The following ABI2 variants were observed in gnomAD, a reference collection of about 807,000 sequenced individuals.
ABI2 encodes abl interactor 2.
ABI2 carries 25 observed loss-of-function variants against 59.2 expected under a neutral mutation model. The ratio of observed to expected loss-of-function variants is 0.42; its 90% CI spans 0.31 to 0.59. The LOEUF (loss-of-function observed/expected upper bound fraction) is 0.59, where lower values mean the gene tolerates loss of function less well. Among genes scored for constraint, ABI2 ranks in the 20% least tolerant of loss-of-function variants. The pLI is 0.14. For missense variants in ABI2, 545 were observed against 681.8 expected (o/e 0.80, Z 2.23); for synonymous variants, 213 against 235.5 (o/e 0.90, Z 0.87).
At chr2:203,366,192 G>T (rs932428408) in intron 1 of ABI2, among the ~76,000 whole-genome samples, 1 of 152,094 alleles carries the variant, frequency 6.6e-6, no homozygotes, top group Non-Finnish European at 1.5e-5. Flanking sequence ...GGTGGCTCAT[G>T]CCTGTAATCC....
chr2:203,377,142 A>G (rs1559268523), intron 2 of ABI2, among the ~76,000 whole-genome samples: 1 of 152,152 alleles, frequency 6.6e-6, no homozygotes, highest in African/African-American at 2.4e-5. Flanking sequence ...ACACAGTGAC[A>G]TCCCATCTCT....
At chr2:203,403,742 G>GT (rs56123341) in intron 9 of ABI2, among the ~76,000 whole-genome samples, 2,974 of 95,282 alleles carry the variant, frequency 0.031, 85 homozygotes, top group East Asian at 0.055. Flanking sequence ...CTTTCTTTCT[G>GT]TTTTTTTTTT....
At chr2:203,368,984 A>ATTT (rs71007508) in intron 2 of ABI2, among the ~76,000 whole-genome samples, 3 of 91,118 alleles carry the variant, frequency 3.3e-5, no homozygotes, top group African/African-American at 1.3e-4. Flanking sequence ...TGCTTGGCTG[A>ATTT]TTTTTTTTTT....
At chr2:203,415,529 T>C (rs1434715529) in intron 10 of ABI2, among the ~76,000 whole-genome samples, 2 of 147,970 alleles carry the variant, frequency 1.4e-5, no homozygotes, top group East Asian at 2.0e-4. Context: ...AGGCAGGAGA[T>C]TGGCATGAAC....
At chr2:203,407,938 A>G (rs1439351742) in intron 9 of ABI2, among the ~76,000 whole-genome samples, 2 of 152,220 alleles carry the variant, frequency 1.3e-5, no homozygotes, top group Non-Finnish European at 2.9e-5. Flanking sequence ...TGTCAGATGA[A>G]ATCTTACAAG....
intron 2 of ABI2, among the ~76,000 whole-genome samples, chr2:203,373,287 C>T (rs2095429116): frequency 6.6e-6 from 1 of 152,148 alleles, no homozygotes; most frequent in Non-Finnish European, 1.5e-5. Flanking sequence ...ACAGCGAAAC[C>T]CCGTCTCCAC....
intron 10 of ABI2, 61 bp downstream of exon 10, chr2:203,411,432 GT>G: frequency 1.6e-6 from 2 of 1,266,026 alleles, no homozygotes; most frequent in Non-Finnish European, 2.3e-6. Context: ...TCATTTATAT[GT>G]GATTGACTGG....
intron 2 of ABI2, among the ~76,000 whole-genome samples, chr2:203,371,397 T>C (rs1284259451): frequency 6.6e-6 from 1 of 152,208 alleles, no homozygotes; most frequent in Non-Finnish European, 1.5e-5. Flanking sequence ...AAACAAGATA[T>C]TAATTGATTA....
intron 1 of ABI2, among the ~76,000 whole-genome samples, chr2:203,357,297 A>T (rs2152843469): frequency 6.6e-6 from 1 of 152,346 alleles, no homozygotes; most frequent in East Asian, 1.9e-4. Flanking sequence ...TAAATTAATT[A>T]TTTAAGAGCA....
chr2:203,342,175 C>G, intron 1 of ABI2: 1 of 450,810 alleles, frequency 2.2e-6, no homozygotes, highest in South Asian at 1.6e-5. Context: ...TGTTTTTTTC[C>G]TTCCTGGTCG....
At chr2:203,365,924 C>T (rs766596999) in intron 1 of ABI2, among the ~76,000 whole-genome samples, 26 of 151,900 alleles carry the variant, frequency 1.7e-4, no homozygotes, top group Non-Finnish European at 3.4e-4. Flanking sequence ...CCACCGTGCC[C>T]GGCCGGGGCT....
chr2:203,416,010 G>C (rs1432505359), intron 10 of ABI2, among the ~76,000 whole-genome samples: 2 of 152,188 alleles, frequency 1.3e-5, no homozygotes, highest in Admixed American at 6.5e-5. Context: ...AATTCTATAA[G>C]TAAACAAACA....
intron 4 of ABI2, among the ~76,000 whole-genome samples, chr2:203,389,951 C>G (rs1159027159): frequency 6.6e-6 from 1 of 152,202 alleles, no homozygotes; most frequent in Non-Finnish European, 1.5e-5. Context: ...TACGGTCCAG[C>G]TCTGACTTAG....
At chr2:203,402,545 A>G in intron 8 of ABI2, 31 bp from the exon 9 acceptor site, 1 of 1,391,654 alleles carries the variant, frequency 7.2e-7, no homozygotes, top group Non-Finnish European at 9.4e-7. Flanking sequence ...TTTTCTTTTA[A>G]TGACATATGT....
intron 1 of ABI2, among the ~76,000 whole-genome samples, chr2:203,333,658 T>C (rs1473287378): frequency 6.6e-6 from 1 of 152,198 alleles, no homozygotes; most frequent in Non-Finnish European, 1.5e-5. Flanking sequence ...GGTGAATAGA[T>C]TTTCAGTGAC....
At chr2:203,423,441 T>C (rs539277017) in intron 11 of ABI2, among the ~76,000 whole-genome samples, 1 of 152,298 alleles carries the variant, frequency 6.6e-6, no homozygotes, top group East Asian at 1.9e-4. Flanking sequence ...TCCTTTTTTT[T>C]CTGAGACGGA....
intron 8 of ABI2, among the ~76,000 whole-genome samples, chr2:203,400,464 T>C (rs2097176099): frequency 6.6e-6 from 1 of 152,222 alleles, no homozygotes; most frequent in African/African-American, 2.4e-5. Context: ...AACTTGATCG[T>C]AGGTTTGTAT....
chr2:203,422,053 T>C (rs1049838385), intron 11 of ABI2, among the ~76,000 whole-genome samples: 1 of 151,758 alleles, frequency 6.6e-6, no homozygotes, highest in African/African-American at 2.4e-5. Context: ...TAAAGCACTT[T>C]AAGAGGCTGA....
intron 1 of ABI2, among the ~76,000 whole-genome samples, chr2:203,364,884 C>CCAT (rs1677585207): frequency 6.6e-6 from 1 of 151,936 alleles, no homozygotes; most frequent in South Asian, 2.1e-4. Context: ...CAGGGGTCCA[C>CCAT]CATCATGCCT....
Sources: gnomAD v4.1 joint callset for allele counts (sites outside exome capture counted in the v4.1 genomes callset) on GRCh38, gnomAD v4.1.1 for gene constraint, MANE v1.5 for transcripts, NCBI Gene and HGNC (gene_info 2026-07-23, HGNC 2026-07-21) for gene names.